Variants in TTN observed in about 807,000 individuals in gnomAD.
The protein encoded by TTN is connectin.
A neutral mutation model predicts 3,223.0 loss-of-function variants in TTN; 1,525 were observed. The ratio of observed to expected loss-of-function variants is 0.47; its 90% CI spans 0.45 to 0.49. The LOEUF is 0.49. Among genes scored for constraint, TTN ranks in the 20% least tolerant of loss-of-function variants. TTN has a pLI of 0.00. For synonymous variants in TTN, 14,094 were observed against 15,161.0 expected (o/e 0.93, Z 5.17); for missense variants, 40,786 against 43,424.0 (o/e 0.94, Z 5.40).
rs764905684 is a variant in TTN, at chr2:178,613,151, T to G, written c.49648+10A>C. 6.2e-7 allele frequency: 1 copy of G among 1,606,898 alleles called. No homozygotes were observed. The highest frequency in any genetic ancestry group is 8.5e-7 in the Non-Finnish European group (1 of 1,177,592). On this transcript the variant is annotated intron_variant, in intron 264 of 362. Coordinates refer to ENST00000589042, the MANE Select transcript of TTN (RefSeq NM_001267550.2). ...CTTCGAAATAACCACAAAAATTATA[T>G]AAATAATACCTATGGGATCCTTTAT...
rs1057508878 is a variant in TTN at position 178,692,477 on chromosome 2, T to C, written c.31678+20A>G. 1.7e-5 allele frequency: 26 copies of C among 1,553,272 alleles called. No individual in the cohort carries two copies. The highest frequency in any genetic ancestry group is 2.2e-5 in the Non-Finnish European group (25 of 1,145,328). On this transcript the variant is annotated intron_variant, in intron 120 of 362. Transcript: ENST00000589042. Reference sequence around the variant, plus strand: ...CAAGATGGATGCTAAGAATTATTTTTTTCACAAATATTATTCTACCTTTTG... The same window carrying C: ...CAAGATGGATGCTAAGAATTATTTTCTTCACAAATATTATTCTACCTTTTG...
chr2:178,565,563 T>C lies in TTN; in HGVS notation c.80569A>G (p.Asn26857Asp). Residue 26857 changes from asparagine (N) to aspartate (D), a missense_variant, in exon 326 of 363, where the codon AAT becomes GAT. Physicochemically the swap from Asn to Asp is conservative, Grantham distance 23. Coordinates refer to ENST00000589042, the MANE Select transcript of TTN (RefSeq NM_001267550.2). Reference sequence around the variant, plus strand: ...CTTGGATCGCTTTTTCCTTTCTCATTATAAGCCTTGACACGGAACTGATAT... The same window carrying C: ...CTTGGATCGCTTTTTCCTTTCTCATCATAAGCCTTGACACGGAACTGATAT... ...QEYQFRVKAY[N>D]EKGKSDPRVL... 6.2e-7 allele frequency: 1 copy of C among 1,613,606 alleles called. No individual in the cohort carries two copies. Among genetic ancestry groups the C allele is most frequent in the South Asian group, 1.1e-5 (1 of 91,078 alleles).
Position 178,664,729 on chromosome 2 carries a change from C to T in TTN, c.36127G>A (p.Ala12043Thr), listed in dbSNP as rs762338439. 14 of 1,612,346 alleles carry T rather than the reference C, an allele frequency of 8.7e-6. No individual in the cohort carries two copies. In the South Asian group the frequency reaches 1.5e-4, roughly 18 times the overall value. Residue 12043 changes from alanine to threonine, a missense_variant, in exon 167 of 363, where the codon GCT (alanine) becomes ACT (threonine). Coordinates refer to ENST00000589042, the MANE Select transcript of TTN (RefSeq NM_001267550.2). ...TTTTCAGGGACAATTTCTTGGAGAG[C>T]TTCAGGCACTTTAAGAAATTAGTAG... The part of the protein sequence containing the change: ...REPPSVKVPE[A>T]LQEIVPEKKT...
In TTN at chr2:178,704,602, G is replaced by A. The variant is rs2154291224; in HGVS notation, c.29870C>T (p.Thr9957Ile). 1 of 1,612,958 alleles carries A rather than the reference G, an allele frequency of 6.2e-7. No homozygotes were observed. The highest frequency in any genetic ancestry group is 1.3e-5 in the African/African-American group (1 of 75,042). ...FEISIDGDRH[T>I]LRVKNCQLKD... ...AAGTTGACAGTTTTTGACTCTGAGTGTATGTCGGTCACCATCAATGCTTAT... is the reference window on the plus strand; with the variant it reads ...AAGTTGACAGTTTTTGACTCTGAGTATATGTCGGTCACCATCAATGCTTAT... The change falls in exon 105 of 363, where the codon ACA becomes ATA. Residue 9957 changes from threonine to isoleucine, a missense_variant. Thr to Ile is a moderately conservative substitution (Grantham distance 89). Transcript: ENST00000589042.
intron 47 of TTN, chr2:178,747,497 T>C: frequency 6.2e-7 from 1 of 1,613,442 alleles, no homozygotes. Context: ...AATGGAAATG[T>C]CAGACTCAGG....
rs1560718834 is a variant in TTN, at chr2:178,724,553, G to A, written c.20837-15C>T. On this transcript the variant is annotated splice_polypyrimidine_tract_variant and intron_variant, in intron 71 of 362. Transcript: ENST00000589042. The stretch of plus-strand genomic sequence containing the variant: ...GACTGCGGGCTCTGAAATAAAACGT[G>A]ATATCCATCTGTCAAAGTCTGGGAT... 1 of 1,561,828 alleles carries A rather than the reference G, an allele frequency of 6.4e-7. No individual in the cohort carries two copies. Among genetic ancestry groups the A allele is most frequent in the East Asian group, 2.3e-5 (1 of 44,102 alleles).
chr2:178,611,421 G>GAA lies in TTN; in HGVS notation c.50807_50808insTT (p.Glu16938AlafsTer36). On this transcript the variant is annotated frameshift_variant, in exon 269 of 363. Coordinates refer to ENST00000589042, the MANE Select transcript of TTN (RefSeq NM_001267550.2). LOFTEE classifies it high-confidence loss of function. Reference sequence around the variant, plus strand: ...TTTCAGAGATTTCAGATGGCTCGCTGACACCAATAGCATTGACTGCTCTCA... The same window carrying GAA: ...TTTCAGAGATTTCAGATGGCTCGCTGAAACACCAATAGCATTGACTGCTCTCA... The GAA allele has an allele frequency of 6.2e-7, 1 of 1,612,868 alleles. No homozygotes were observed. Among genetic ancestry groups the GAA allele is most frequent in the East Asian group, 2.2e-5 (1 of 44,646 alleles).
At chr2:178,752,643 T>C (rs16866497) in intron 47 of TTN, among the ~76,000 whole-genome samples, 7,646 of 152,136 alleles carry the variant, frequency 0.05, 380 homozygotes, top group East Asian at 0.2. Context: ...TAAAATGATA[T>C]ATGTGAATGA....
chr2:178,747,403 A>C, intron 47 of TTN: 4 of 1,613,348 alleles, frequency 2.5e-6, no homozygotes, highest in Non-Finnish European at 3.4e-6. Context: ...GGGACTTTGG[A>C]GATTCAAAAT....
Position 178,576,681 on chromosome 2 carries a change from C to T in TTN, c.69563G>A (p.Arg23188Lys). ...ATCGGAAACTGGTGTTTTTATTGCT[C>T]TCACCCATCGCAGGCTTTTCTTTTC... ...RREKKSLRWV[R>K]AIKTPVSDLR... The change falls in exon 325 of 363, where the codon AGA (arginine) becomes AAA (lysine). Residue 23188 changes from arginine (R) to lysine (K), a missense_variant. Transcript: ENST00000589042. The surrounding 1 kb of genome is among the most constrained non-coding windows in gnomAD (Gnocchi z 4.3). 2.5e-6 allele frequency: 4 copies of T among 1,613,530 alleles called. No homozygotes were observed. Among genetic ancestry groups the T allele is most frequent in the Non-Finnish European group, 3.4e-6 (4 of 1,179,608 alleles).
Position 178,723,848 on chromosome 2 carries a change from C to A in TTN, c.21403+8G>T, listed in dbSNP as rs1355179268. 2 of 1,596,346 alleles carry A rather than the reference C, an allele frequency of 1.3e-6. No homozygotes were observed. Among genetic ancestry groups the A allele is most frequent in the African/African-American group, 1.3e-5 (1 of 74,542 alleles). On this transcript the variant is annotated splice_region_variant and intron_variant, in intron 73 of 362. Transcript: ENST00000589042. ...AGAAATTCCTTACAAGTTTGACTGT[C>A]TACTGACCTTGTACAGTTAGCACTG...
chr2:178,775,174 T>C lies in TTN; in HGVS notation c.6537A>G (p.Glu2179=). 1.2e-6 allele frequency: 2 copies of C among 1,614,008 alleles called. No homozygotes were observed. The highest frequency in any genetic ancestry group is 1.7e-5 in the Admixed American group (1 of 60,016). The change falls in exon 29 of 363, where the codon GAA becomes GAG. Residue 2179 remains glutamate, a synonymous_variant. Coordinates refer to ENST00000589042, the MANE Select transcript of TTN (RefSeq NM_001267550.2). The part of the protein sequence containing the change: ...QAKQLITFTQ[E]LQDVVAKEKD... ...TTTCCTTAGCAACAACATCTTGTAA[T>C]TCCTGTGTGAAAGTGATCAATTGCT...
Position 178,614,606 on chromosome 2 carries a change from T to C in TTN, c.48908A>G (p.Lys16303Arg). The C allele has an allele frequency of 6.2e-7, 1 of 1,612,472 alleles. No homozygotes were observed. Among genetic ancestry groups the C allele is most frequent in the South Asian group, 1.1e-5 (1 of 91,032 alleles). Residue 16303 changes from lysine (K) to arginine (R), a missense_variant, in exon 261 of 363, where the codon AAA becomes AGA. Lys to Arg is a conservative substitution (Grantham distance 26). Transcript: ENST00000589042. Reference sequence around the variant, plus strand: ...AGGGACATTTTCAATGGTAATTCTTTTGTCCTGCTTCAGAATCATATCAGC... The same window carrying C: ...AGGGACATTTTCAATGGTAATTCTTCTGTCCTGCTTCAGAATCATATCAGC... ...TKADMILKQD[K>R]RITIENVPKK...
chr2:178,707,813 T>C lies in TTN; in HGVS notation c.28754A>G (p.Glu9585Gly), dbSNP rs200856239. Reference sequence around the variant, plus strand: ...ATCAAATACAGGTGGCTTCTTAGGTTCTGGAATTGAAAAGGTATTTTCATG... The same window carrying C: ...ATCAAATACAGGTGGCTTCTTAGGTCCTGGAATTGAAAAGGTATTTTCATG... ...ALCTSSIVIK[E>G]PKKPPVFDQH... The change falls in exon 100 of 363, where the codon GAA becomes GGA. Residue 9585 changes from glutamate to glycine, a missense_variant and splice_region_variant. Glu to Gly is a moderately conservative substitution (Grantham distance 98, BLOSUM62 -2). Transcript: ENST00000589042. 55 of 1,575,204 alleles carry C rather than the reference T, an allele frequency of 3.5e-5. No homozygotes were observed. The African/African-American group carries it at 6.9e-4, about 20-fold the overall frequency.
intron 119 of TTN, among the ~76,000 whole-genome samples, chr2:178,692,872 A>G (rs1334564050): frequency 2.0e-5 from 3 of 151,954 alleles, no homozygotes. Context: ...ATCGATAACT[A>G]TGAAGTTAGT....
At position 178,540,213 on chromosome 2, in the gene TTN, G is replaced by C. The variant is rs777633696; in HGVS notation, c.97953C>G (p.Asn32651Lys). 6.2e-7 allele frequency: 1 copy of C among 1,613,764 alleles called. No homozygotes were observed. The highest frequency in any genetic ancestry group is 8.5e-7 in the Non-Finnish European group (1 of 1,179,746). The change falls in exon 351 of 363, where the codon AAC becomes AAG. Residue 32651 changes from asparagine to lysine, a missense_variant. By Grantham distance (94) the Asn-to-Lys change is moderately conservative (BLOSUM62 0). Coordinates refer to ENST00000589042, the MANE Select transcript of TTN (RefSeq NM_001267550.2). Reference sequence around the variant, plus strand: ...ACTCTCGAATCTTGGTTGGAGTGGTGTTACACTTGGTCCATTCATGTTGAT... The same window carrying C: ...ACTCTCGAATCTTGGTTGGAGTGGTCTTACACTTGGTCCATTCATGTTGAT... ...KVDQHEWTKC[N>K]TTPTKIREYT... is the part of the protein sequence containing the mutation.
At chr2:178,770,012 C>A (rs779792708) in intron 36 of TTN, 48 bp downstream of exon 36, 1 of 1,614,110 alleles carries the variant, frequency 6.2e-7, no homozygotes, top group South Asian at 1.1e-5. Context: ...CAAATAGATA[C>A]ATGGGGTTCA....
chr2:178,694,800 A>T, intron 116 of TTN, 29 bp downstream of exon 116: 2 of 1,529,694 alleles, frequency 1.3e-6, no homozygotes, highest in Non-Finnish European at 1.8e-6. Flanking sequence ...ACTTGTGTAC[A>T]TGGGTGCTAG....
Position 178,693,589 on chromosome 2 carries a change from T to G in TTN, c.31594+20A>C. 6.6e-7 allele frequency: 1 copy of G among 1,515,288 alleles called. No homozygotes were observed. The highest frequency in any genetic ancestry group is 8.9e-7 in the Non-Finnish European group (1 of 1,117,680). The allele number at this position is 1,515,288 out of a possible 1,614,324, so 93.9% of individuals were successfully genotyped here. On this transcript the variant is annotated intron_variant, in intron 119 of 362. Coordinates refer to ENST00000589042, the MANE Select transcript of TTN (RefSeq NM_001267550.2). ...TAATTTTTATTAAAAGAGTTTAAAC[T>G]TAGAATGAATTACTAATACCTTTAG...
Sources: gnomAD v4.1 joint callset for allele counts (sites outside exome capture counted in the v4.1 genomes callset) on GRCh38, gnomAD v4.1.1 for gene constraint, Gnocchi (gnomAD v3.1) non-coding constraint, MANE v1.5 for transcripts, NCBI Gene and HGNC (gene_info 2026-07-23, HGNC 2026-07-21) for gene names.